GLIS1: variants seen among roughly 807,000 people sequenced by gnomAD.
The protein encoded by GLIS1 is GLIS family zinc finger 1.
In GLIS1, 24 loss-of-function variants were observed where a neutral mutation model predicts 63.8. That is an observed-to-expected ratio of 0.38 (90% CI 0.27 to 0.53). GLIS1 has a LOEUF of 0.53. Ranked by LOEUF, GLIS1 falls within the 20% of genes least tolerant of loss-of-function variation. The pLI is 0.85. For synonymous variants in GLIS1, 450 were observed against 482.5 expected (o/e 0.93, Z 0.88); for missense variants, 1,036 against 1,074.1 (o/e 0.96, Z 0.50).
intron 4 of GLIS1, among the ~76,000 whole-genome samples, chr1:53,532,984 AAC>A (rs1644546385): frequency 6.6e-6 from 1 of 152,262 alleles, no homozygotes; most frequent in Non-Finnish European, 1.5e-5. Context: ...ACATGGACCC[AAC>A]TGCCTCTCCC....
intron 4 of GLIS1, 94 bp from the exon 5 acceptor site, chr1:53,530,046 C>T (rs549458140): frequency 6.8e-5 from 77 of 1,133,648 alleles, no homozygotes. Context: ...GCCCCAGCAC[C>T]CCTGCCCCTC....
intron 2 of GLIS1, among the ~76,000 whole-genome samples, chr1:53,672,246 T>C (rs1285750943): frequency 1.3e-5 from 2 of 152,200 alleles, no homozygotes; most frequent in East Asian, 1.9e-4. Context: ...TGCAGGGCAG[T>C]GGGCAGAACA....
chr1:53,590,800 G>A (rs1645185011), intron 4 of GLIS1, among the ~76,000 whole-genome samples: 2 of 125,914 alleles, frequency 1.6e-5, no homozygotes, highest in Admixed American at 7.2e-5. Flanking sequence ...CAGGGTGGGG[G>A]ATGGTGATGC....
At chr1:53,515,079 ATGTGTGTGTG>A (rs5774151) in intron 7 of GLIS1, among the ~76,000 whole-genome samples, 3,334 of 142,002 alleles carry the variant, frequency 0.023, 110 homozygotes, top group African/African-American at 0.071. Flanking sequence ...GTGTGTGTAT[ATGTGTGTGTG>A]TGTGTGTGTG....
intron 2 of GLIS1, among the ~76,000 whole-genome samples, chr1:53,671,790 A>G (rs1208050396): frequency 1.3e-5 from 2 of 152,212 alleles, no homozygotes; most frequent in African/African-American, 4.8e-5. Flanking sequence ...ATTTTTACAG[A>G]TGAGGAAATT....
chr1:53,522,526 C>A (rs1644420600), intron 6 of GLIS1, among the ~76,000 whole-genome samples: 1 of 152,222 alleles, frequency 6.6e-6, no homozygotes, highest in Non-Finnish European at 1.5e-5. Context: ...GGAGCTCAGG[C>A]CCTGGAAGCA....
chr1:53,694,355 C>T (rs1250425285), intron 2 of GLIS1, among the ~76,000 whole-genome samples: 4 of 152,158 alleles, frequency 2.6e-5, no homozygotes, highest in African/African-American at 9.7e-5. Context: ...CATACCTCAC[C>T]CTGTGGACTC....
intron 2 of GLIS1, among the ~76,000 whole-genome samples, chr1:53,725,918 G>A (rs1007622803): frequency 6.6e-6 from 1 of 152,188 alleles, no homozygotes; most frequent in Non-Finnish European, 1.5e-5. Flanking sequence ...ACCTTGACTG[G>A]AGAGGGGCAG....
intron 2 of GLIS1, among the ~76,000 whole-genome samples, chr1:53,602,151 G>A (rs1188879913): frequency 1.3e-5 from 2 of 152,152 alleles, no homozygotes; most frequent in Non-Finnish European, 2.9e-5. Context: ...CTGCTGCCTG[G>A]CCAGCCCCTC....
intron 2 of GLIS1, among the ~76,000 whole-genome samples, chr1:53,649,263 C>T (rs1399469958): frequency 6.6e-6 from 1 of 152,120 alleles, no homozygotes; most frequent in East Asian, 1.9e-4. Context: ...GTACATGGCA[C>T]CATTTGCCGT....
At chr1:53,633,107 TGTGA>T (rs530883664) in intron 2 of GLIS1, among the ~76,000 whole-genome samples, 78 of 140,234 alleles carry the variant, frequency 5.6e-4, no homozygotes, top group African/African-American at 1.7e-3. Context: ...CTGAGGGGTG[TGTGA>T]GTGTGACTGA....
chr1:53,546,594 T>C (rs941156245), intron 4 of GLIS1, among the ~76,000 whole-genome samples: 2 of 101,214 alleles, frequency 2.0e-5, no homozygotes, highest in Non-Finnish European at 4.9e-5. Context: ...AGATGAGAGA[T>C]GGCAGGGCTC....
At chr1:53,554,818 C>A (rs1381812088) in intron 4 of GLIS1, among the ~76,000 whole-genome samples, 1 of 152,218 alleles carries the variant, frequency 6.6e-6, no homozygotes, top group African/African-American at 2.4e-5. Flanking sequence ...AGCTGCCCTG[C>A]CCTCGACACA....
At chr1:53,562,629 C>T (rs1644903546) in intron 4 of GLIS1, among the ~76,000 whole-genome samples, 1 of 152,190 alleles carries the variant, frequency 6.6e-6, no homozygotes, top group Non-Finnish European at 1.5e-5. Context: ...GCAGGCATCC[C>T]ATCCCCTTAG....
At chr1:53,607,414 T>G (rs1645382148) in intron 2 of GLIS1, among the ~76,000 whole-genome samples, 1 of 152,154 alleles carries the variant, frequency 6.6e-6, no homozygotes, top group Non-Finnish European at 1.5e-5. Flanking sequence ...GGACAACAGG[T>G]GCTTGCCATC....
chr1:53,650,589 C>CAAAA (rs61374751), intron 2 of GLIS1, among the ~76,000 whole-genome samples: 2 of 105,492 alleles, frequency 1.9e-5, no homozygotes, highest in African/African-American at 8.1e-5. Context: ...GACTTCATCT[C>CAAAA]AAAAAAAAAA....
chr1:53,710,565 C>A (rs78248444), intron 2 of GLIS1, among the ~76,000 whole-genome samples: 1,879 of 152,342 alleles, frequency 0.012, 30 homozygotes, highest in African/African-American at 0.043. Flanking sequence ...CTGTATCATT[C>A]TTCATGGGGA....
At chr1:53,552,034 T>C (rs1435463278) in intron 4 of GLIS1, among the ~76,000 whole-genome samples, 2 of 151,528 alleles carry the variant, frequency 1.3e-5, no homozygotes, top group East Asian at 3.9e-4. Flanking sequence ...ACCATACACA[T>C]CCCAACATAC....
intron 2 of GLIS1, among the ~76,000 whole-genome samples, chr1:53,660,155 G>A (rs1026900385): frequency 6.6e-6 from 1 of 152,126 alleles, no homozygotes; most frequent in African/African-American, 2.4e-5. Context: ...ACCTCAATGG[G>A]GGAACATCCG....
Sources: allele counts gnomAD v4.1 joint callset (sites outside exome capture counted in the v4.1 genomes callset), GRCh38; gene constraint gnomAD v4.1.1; transcripts MANE v1.5; gene names NCBI Gene and HGNC (gene_info 2026-07-23, HGNC 2026-07-21).